NBEA: variants seen among roughly 807,000 people sequenced by gnomAD.
NBEA encodes lysosomal-trafficking regulator 2.
Under a neutral mutation model 343.4 loss-of-function variants are expected in NBEA, and 44 were observed. The ratio of observed to expected loss-of-function variants is 0.13; its 90% confidence interval spans 0.10 to 0.16. The LOEUF (loss-of-function observed/expected upper bound fraction) is 0.16, where lower values mean the gene tolerates loss of function less well. NBEA is among the 10% of genes least tolerant of loss of function. The pLI is 1.00. For synonymous variants in NBEA, 1,175 were observed against 1,238.7 expected, an observed-to-expected ratio of 0.95 and a Z score of 1.08; for missense variants, 2,555 against 3,631.3, an observed-to-expected ratio of 0.70 and a Z score of 7.62.
At chr13:34,950,430 T>C (rs1430291468) in intron 1 of NBEA, among the ~76,000 whole-genome samples, 1 of 152,106 alleles carries the variant, frequency 6.6e-6, no homozygotes, top group Non-Finnish European at 1.5e-5. Flanking sequence ...GTGCATCATT[T>C]TGCCTTAAGC....
intron 35 of NBEA, among the ~76,000 whole-genome samples, chr13:35,291,841 T>G (rs1219975779): frequency 1.3e-5 from 2 of 151,936 alleles, no homozygotes; most frequent in African/African-American, 2.4e-5. Context: ...CAGATATTGA[T>G]TGAAAGGAAG....
At chr13:35,124,132 C>T (rs1226933373) in intron 17 of NBEA, among the ~76,000 whole-genome samples, 1 of 151,930 alleles carries the variant, frequency 6.6e-6, no homozygotes, top group Non-Finnish European at 1.5e-5. Flanking sequence ...TCATGCTACA[C>T]TATCCAGTGT....
At chr13:35,597,895 G>T (rs568057567) in intron 47 of NBEA, among the ~76,000 whole-genome samples, 1 of 152,252 alleles carries the variant, frequency 6.6e-6, no homozygotes, top group African/African-American at 2.4e-5. Context: ...GAGATGAGTT[G>T]CAAAGTCACA....
chr13:35,239,959 A>G (rs986051042), intron 34 of NBEA, among the ~76,000 whole-genome samples: 1 of 151,744 alleles, frequency 6.6e-6, no homozygotes, highest in Non-Finnish European at 1.5e-5. Context: ...GCTAACTTAA[A>G]GAAATTCCTG....
At chr13:34,948,708 C>G (rs1355763681) in intron 1 of NBEA, among the ~76,000 whole-genome samples, 3 of 152,024 alleles carry the variant, frequency 2.0e-5, no homozygotes, top group Admixed American at 1.3e-4. Context: ...CTAGCAGTTC[C>G]GTTTTACAGA....
intron 24 of NBEA, 102 bp downstream of exon 24, chr13:35,164,611 C>G (rs952998844): frequency 3.2e-6 from 4 of 1,231,360 alleles, no homozygotes; most frequent in Non-Finnish European, 4.5e-6. Flanking sequence ...CAGACCTGTA[C>G]TTTTTAGGCA....
At chr13:35,441,521 T>C (rs144645454) in intron 39 of NBEA, among the ~76,000 whole-genome samples, 4 of 152,262 alleles carry the variant, frequency 2.6e-5, no homozygotes, top group African/African-American at 7.2e-5. Context: ...ATGAAGGCCA[T>C]GTTGTCATTA....
chr13:35,495,107 C>T (rs117338045), intron 41 of NBEA, among the ~76,000 whole-genome samples: 4,372 of 151,932 alleles, frequency 0.029, 115 homozygotes, highest in Non-Finnish European at 0.046. Flanking sequence ...CAACCAGATG[C>T]TGTTAACTAT....
chr13:35,481,201 C>G (rs1004271686), intron 41 of NBEA, among the ~76,000 whole-genome samples: 4 of 151,698 alleles, frequency 2.6e-5, no homozygotes, highest in African/African-American at 4.8e-5. Flanking sequence ...GCTTAATAAG[C>G]TTGATATTGG....
At chr13:35,296,210 G>A (rs757369373) in intron 35 of NBEA, among the ~76,000 whole-genome samples, 72 of 151,794 alleles carry the variant, frequency 4.7e-4, no homozygotes, top group Non-Finnish European at 1.6e-4. Flanking sequence ...AGTGAAACCC[G>A]TCTCTACTAA....
chr13:34,975,783 CAAAAG>C (rs926558671), intron 1 of NBEA, among the ~76,000 whole-genome samples: 1 of 151,922 alleles, frequency 6.6e-6, no homozygotes, highest in Non-Finnish European at 1.5e-5. Flanking sequence ...AGGTAATTCT[CAAAAG>C]AAGATATACA....
intron 30 of NBEA, among the ~76,000 whole-genome samples, chr13:35,193,750 A>G (rs1273686376): frequency 6.6e-6 from 1 of 151,984 alleles, no homozygotes; most frequent in Non-Finnish European, 1.5e-5. Flanking sequence ...GTCATCCAAT[A>G]TGAATGTTTG....
In NBEA at chr13:35,132,775, T is replaced by G. The variant is rs2067498166; in HGVS notation, c.2336+9201T>G. Among the ~76,000 whole-genome samples, 3 of 152,150 alleles carry G rather than the reference T, an allele frequency of 2.0e-5. No homozygotes were observed. In the South Asian group the frequency reaches 6.2e-4, roughly 31 times the overall value. ...GGGCACAGGGAACTGTTGAGGATGATAAAAATGACCTATAACTATATTGTA... is the reference window on the plus strand; with the variant it reads ...GGGCACAGGGAACTGTTGAGGATGAGAAAAATGACCTATAACTATATTGTA... On this transcript the variant is annotated intron_variant, in intron 17 of 58. Coordinates refer to ENST00000379939, the MANE Select transcript of NBEA (RefSeq NM_001385012.1).
intron 10 of NBEA, among the ~76,000 whole-genome samples, chr13:35,073,665 G>T (rs1288196909): frequency 2.0e-5 from 3 of 152,056 alleles, no homozygotes; most frequent in South Asian, 2.1e-4. Context: ...TATTGGCTGG[G>T]GGTGGTGGCT....
At chr13:35,256,487 G>A (rs1417825108) in intron 34 of NBEA, among the ~76,000 whole-genome samples, 1 of 152,196 alleles carries the variant, frequency 6.6e-6, no homozygotes, top group Non-Finnish European at 1.5e-5. Flanking sequence ...CAGGCTTCAG[G>A]CCATTCCTGG....
intron 41 of NBEA, among the ~76,000 whole-genome samples, chr13:35,486,282 T>C (rs2076299665): frequency 6.6e-6 from 1 of 152,116 alleles, no homozygotes; most frequent in Non-Finnish European, 1.5e-5. Flanking sequence ...TTACAGAACC[T>C]ATACTTACAT....
chr13:35,412,605 G>C (rs774269302), intron 38 of NBEA, among the ~76,000 whole-genome samples: 3 of 151,914 alleles, frequency 2.0e-5, no homozygotes, highest in Non-Finnish European at 4.4e-5. Context: ...TCATAGATTT[G>C]TACAGTAAGT....
At chr13:34,944,658 C>G (rs2059134211) in intron 1 of NBEA, among the ~76,000 whole-genome samples, 1 of 151,688 alleles carries the variant, frequency 6.6e-6, no homozygotes, top group Non-Finnish European at 1.5e-5. Context: ...GAGGTCAGTA[C>G]TTGCCATTTC....
At chr13:35,338,094 C>A (rs1204872813) in intron 36 of NBEA, among the ~76,000 whole-genome samples, 1 of 151,478 alleles carries the variant, frequency 6.6e-6, no homozygotes, top group East Asian at 1.9e-4. Context: ...CCAAAACAGG[C>A]TGAAGAAGGA....
Sources: gnomAD v4.1 joint callset for allele counts (sites outside exome capture counted in the v4.1 genomes callset) on GRCh38, gnomAD v4.1.1 for gene constraint, MANE v1.5 for transcripts, NCBI Gene and HGNC (gene_info 2026-07-23, HGNC 2026-07-21) for gene names.